The following GUCY1A2 variants were observed in gnomAD, a reference collection of about 807,000 sequenced individuals.
The protein encoded by GUCY1A2 is guanylate cyclase soluble subunit alpha-2.
In GUCY1A2, 27 loss-of-function variants were observed where a neutral mutation model predicts 63.5. That is an observed-to-expected ratio of 0.43 (90% CI 0.31 to 0.59). GUCY1A2 has a LOEUF of 0.59. Ranked by LOEUF, GUCY1A2 falls within the 20% of genes least tolerant of loss-of-function variation. The pLI is 0.11. For missense variants in GUCY1A2, 768 were observed against 913.3 expected (o/e 0.84, Z 2.05); for synonymous variants, 364 against 343.5 (o/e 1.06, Z -0.66).
At position 106,921,304 on chromosome 11, in the gene GUCY1A2, C is replaced by G. The variant is rs140755044; in HGVS notation, c.1206+18156G>C. Reference sequence around the variant, plus strand: ...GGACCTGACTAGAAAAATCCCTCAGCTGTTTCCACACTTCTAACCAACTAG... The same window carrying G: ...GGACCTGACTAGAAAAATCCCTCAGGTGTTTCCACACTTCTAACCAACTAG... On this transcript the variant is annotated intron_variant, in intron 4 of 7. Transcript: ENST00000526355. Among the ~76,000 whole-genome samples the G allele has an allele frequency of 2.8e-3, 420 of 152,170 alleles. 1 individual carries two copies. The highest frequency in any genetic ancestry group is 9.5e-3 in the African/African-American group (395 of 41,530).
chr11:106,921,062 T>G (rs1340872850), intron 4 of GUCY1A2, among the ~76,000 whole-genome samples: 2 of 152,100 alleles, frequency 1.3e-5, no homozygotes. Flanking sequence ...TATTAGGGTG[T>G]ATAAGGTCAA....
chr11:106,771,524 G>A (rs544544907), intron 6 of GUCY1A2, among the ~76,000 whole-genome samples: 4 of 152,124 alleles, frequency 2.6e-5, no homozygotes, highest in African/African-American at 9.7e-5. Context: ...GAGGCAGGAG[G>A]ATTGCTTGAG....
chr11:107,017,938 G>C lies in GUCY1A2; in HGVS notation c.118C>G (p.Arg40Gly). 1.5e-6 allele frequency: 2 copies of C among 1,349,298 alleles called. No homozygotes were observed. Among genetic ancestry groups the C allele is most frequent in the Non-Finnish European group, 1.9e-6 (2 of 1,043,068 alleles). 83.6% of individuals were successfully genotyped at this position (1,349,298 alleles called of 1,614,324 possible). Reference protein sequence around the residue: ...PLSRLCWNGSRSPPGPLEPSP... With the variant: ...PLSRLCWNGSGSPPGPLEPSP... The stretch of plus-strand genomic sequence containing the variant: ...GGCTCCAGCGGCCCGGGCGGGCTCC[G>C]GCTGCCATTCCAGCAGAGCCTAGAC... Residue 40 changes from arginine (R) to glycine (G), a missense_variant, in exon 1 of 8, where the codon CGG becomes GGG. By Grantham distance (125) the Arg-to-Gly change is moderately radical (BLOSUM62 -2). Around this residue, in one of 3 missense-constraint regions of GUCY1A2, gnomAD observed 496 missense variants for 486.9 expected, o/e 1.02. Transcript: ENST00000526355.
At chr11:106,998,748 G>A (rs181465541) in intron 1 of GUCY1A2, among the ~76,000 whole-genome samples, 99 of 151,544 alleles carry the variant, frequency 6.5e-4, no homozygotes, top group African/African-American at 2.2e-3. Flanking sequence ...GCCCCATTTG[G>A]TCCTGAACCT....
chr11:106,901,035 T>G (rs1057476474), intron 4 of GUCY1A2, among the ~76,000 whole-genome samples: 1 of 152,210 alleles, frequency 6.6e-6, no homozygotes, highest in East Asian at 1.9e-4. Context: ...TAACATGCAA[T>G]GATATTTGAT....
chr11:106,955,108 G>C (rs1024593158), intron 3 of GUCY1A2, among the ~76,000 whole-genome samples: 4 of 152,118 alleles, frequency 2.6e-5, no homozygotes, highest in Non-Finnish European at 4.4e-5. Flanking sequence ...AAGTAGCTGG[G>C]ATTACAGGCA....
chr11:106,848,144 G>A (rs1028520132), intron 4 of GUCY1A2, among the ~76,000 whole-genome samples: 8 of 151,616 alleles, frequency 5.3e-5, no homozygotes, highest in African/African-American at 1.9e-4. Context: ...GAAAGCTGGT[G>A]AAAATGCTGG....
intron 4 of GUCY1A2, among the ~76,000 whole-genome samples, chr11:106,934,473 A>G (rs1860647931): frequency 6.6e-6 from 1 of 152,206 alleles, no homozygotes; most frequent in South Asian, 2.1e-4. Context: ...ATTATGGTAT[A>G]GTAAGATTAA....
intron 1 of GUCY1A2, among the ~76,000 whole-genome samples, chr11:106,992,447 A>C (rs1007018138): frequency 6.7e-6 from 1 of 148,776 alleles, no homozygotes; most frequent in Admixed American, 6.9e-5. Flanking sequence ...CTCCTGCCTC[A>C]GTCTCCCAAG....
intron 7 of GUCY1A2, among the ~76,000 whole-genome samples, chr11:106,706,166 TC>T (rs1350198779): frequency 6.6e-6 from 1 of 152,176 alleles, no homozygotes; most frequent in Non-Finnish European, 1.5e-5. Context: ...ACAGTCCACT[TC>T]CAAAGTTTAT....
chr11:106,765,094 T>C (rs1864140019), intron 6 of GUCY1A2, among the ~76,000 whole-genome samples: 1 of 151,950 alleles, frequency 6.6e-6, no homozygotes, highest in Admixed American at 6.6e-5. Flanking sequence ...CCCCAATGTC[T>C]TTTTTTATCT....
chr11:106,870,926 A>C (rs1386673992), intron 4 of GUCY1A2, among the ~76,000 whole-genome samples: 1 of 152,168 alleles, frequency 6.6e-6, no homozygotes, highest in East Asian at 1.9e-4. Context: ...TTCTCCTAGG[A>C]CTACAGGTAT....
At chr11:106,867,675 T>G (rs1245011999) in intron 4 of GUCY1A2, among the ~76,000 whole-genome samples, 1 of 151,972 alleles carries the variant, frequency 6.6e-6, no homozygotes, top group Non-Finnish European at 1.5e-5. Context: ...AGAACAAAAT[T>G]CAAGCTTAAT....
chr11:106,778,553 C>A (rs932200146), intron 5 of GUCY1A2, among the ~76,000 whole-genome samples: 2 of 151,914 alleles, frequency 1.3e-5, no homozygotes, highest in African/African-American at 4.8e-5. Context: ...CCCAGCTACT[C>A]GGGAGACTGA....
intron 7 of GUCY1A2, among the ~76,000 whole-genome samples, chr11:106,703,946 C>T (rs1441989813): frequency 6.6e-6 from 1 of 151,570 alleles, no homozygotes; most frequent in African/African-American, 2.4e-5. Context: ...AATTATGTAC[C>T]TTAGCTTAAA....
rs548068421 is a variant in GUCY1A2, at chr11:107,011,247, C to T, written c.303+6506G>A. On this transcript the variant is annotated intron_variant, in intron 1 of 7. Transcript: ENST00000526355. ...ATCTCAAAAAAGAAAATTATACCTT[C>T]CTAGTAACTCATGATCAACAATGTA... Among the ~76,000 whole-genome samples, 17 of 152,182 alleles carry T rather than the reference C, an allele frequency of 1.1e-4. No individual in the cohort carries two copies. The East Asian group carries it at 3.1e-3, about 28-fold the overall frequency.
At chr11:106,802,588 A>G (rs898224544) in intron 5 of GUCY1A2, among the ~76,000 whole-genome samples, 6 of 152,146 alleles carry the variant, frequency 3.9e-5, no homozygotes. Context: ...TGCTATACCA[A>G]AACACCATAG....
At chr11:106,690,912 A>G (rs1176615040) in intron 7 of GUCY1A2, among the ~76,000 whole-genome samples, 1 of 152,092 alleles carries the variant, frequency 6.6e-6, no homozygotes, top group African/African-American at 2.4e-5. Context: ...AAACTAAGAA[A>G]TAATTAATGA....
chr11:106,952,734 G>A (rs1860927615), intron 3 of GUCY1A2, among the ~76,000 whole-genome samples: 1 of 151,820 alleles, frequency 6.6e-6, no homozygotes. Flanking sequence ...TCCACCTCCT[G>A]GGTTCAAGTG....
Sources: allele counts gnomAD v4.1 joint callset (sites outside exome capture counted in the v4.1 genomes callset), GRCh38; gene constraint gnomAD v4.1.1; regional missense constraint gnomAD v4.1.1; transcripts MANE v1.5; gene names NCBI Gene and HGNC (gene_info 2026-07-23, HGNC 2026-07-21).